The following TIAM2 variants were observed in gnomAD, a reference collection of about 807,000 sequenced individuals.
TIAM2 encodes TIAM Rac1 associated GEF 2, also known as rho guanine nucleotide exchange factor TIAM2.
In TIAM2, 80 loss-of-function variants were observed where a neutral mutation model predicts 152.9. That is an observed-to-expected ratio of 0.52 (90% CI 0.44 to 0.63). The LOEUF (loss-of-function observed/expected upper bound fraction) is 0.63. Among genes scored for constraint, TIAM2 ranks in the 30% least tolerant of loss-of-function variants. TIAM2 has a pLI of 0.00. For synonymous variants in TIAM2, 804 were observed against 838.0 expected, an observed-to-expected ratio of 0.96 and a Z score of 0.70; for missense variants, 1,965 against 2,120.1, an observed-to-expected ratio of 0.93 and a Z score of 1.44.
chr6:155,220,494 G>T (rs1299436329), intron 15 of TIAM2, among the ~76,000 whole-genome samples: 1 of 152,176 alleles, frequency 6.6e-6, no homozygotes, highest in East Asian at 1.9e-4. Flanking sequence ...TGTGTCTCCT[G>T]ATCCTGATCT....
At chr6:155,082,096 C>G (rs1778074853) in intron 1 of TIAM2, among the ~76,000 whole-genome samples, 1 of 152,104 alleles carries the variant, frequency 6.6e-6, no homozygotes, top group Non-Finnish European at 1.5e-5. Flanking sequence ...GTAATCCCAG[C>G]ACTTTGGGAG....
intron 14 of TIAM2, among the ~76,000 whole-genome samples, chr6:155,192,546 G>A (rs1781232272): frequency 6.6e-6 from 1 of 151,850 alleles, no homozygotes; most frequent in African/African-American, 2.4e-5. Context: ...TGTAAACTGA[G>A]CAATGTCCAA....
intron 7 of TIAM2, among the ~76,000 whole-genome samples, chr6:155,161,024 C>T (rs1051651696): frequency 2.0e-5 from 3 of 152,218 alleles, no homozygotes; most frequent in African/African-American, 7.2e-5. Flanking sequence ...TGTCCCAGCC[C>T]TGTTGACTTT....
chr6:155,043,939 A>G (rs918316761), intron 1 of TIAM2, among the ~76,000 whole-genome samples: 3 of 152,300 alleles, frequency 2.0e-5, no homozygotes, highest in African/African-American at 7.2e-5. Flanking sequence ...CCCATAGTGT[A>G]CACATGCCAC....
intron 1 of TIAM2, among the ~76,000 whole-genome samples, chr6:155,044,215 T>TCGTCCTGCCCAGTCACA (rs1777109681): frequency 6.6e-6 from 1 of 152,166 alleles, no homozygotes; most frequent in Non-Finnish European, 1.5e-5. Context: ...AAGAGGTCAC[T>TCGTCCTGCCCAGTCACA]CGTCCTGCCC....
chr6:155,048,642 A>G (rs1777256080), intron 1 of TIAM2, among the ~76,000 whole-genome samples: 1 of 152,086 alleles, frequency 6.6e-6, no homozygotes, highest in African/African-American at 2.4e-5. Context: ...AGGAAGGTGG[A>G]GTGAAGGAGA....
chr6:155,118,360 A>AAGC (rs970703293), intron 2 of TIAM2, among the ~76,000 whole-genome samples: 1 of 151,814 alleles, frequency 6.6e-6, no homozygotes, highest in Non-Finnish European at 1.5e-5. Context: ...GTCTTTGAAC[A>AAGC]AGCCATTTTC....
chr6:155,105,125 T>A (rs1778651910), intron 2 of TIAM2, among the ~76,000 whole-genome samples: 2 of 151,786 alleles, frequency 1.3e-5, no homozygotes, highest in Non-Finnish European at 1.5e-5. Context: ...CCTGGCTAAT[T>A]TTTTGTATTT....
At chr6:155,228,947 G>A (rs1004670839) in intron 15 of TIAM2, among the ~76,000 whole-genome samples, 27 of 152,160 alleles carry the variant, frequency 1.8e-4, no homozygotes, top group Non-Finnish European at 3.5e-4. Context: ...CTGCCTTCCT[G>A]GGCATGCCCC....
At chr6:155,026,004 A>G (rs764359019) in intron 1 of TIAM2, among the ~76,000 whole-genome samples, 13 of 152,126 alleles carry the variant, frequency 8.5e-5, no homozygotes, top group Non-Finnish European at 1.3e-4. Flanking sequence ...CACATCTCAC[A>G]AATAGAATGG....
At chr6:155,167,453 C>T (rs571794530) in intron 9 of TIAM2, among the ~76,000 whole-genome samples, 41 of 152,248 alleles carry the variant, frequency 2.7e-4, no homozygotes, top group African/African-American at 8.7e-4. Context: ...AACTTCTGGG[C>T]TCATGTGATC....
chr6:155,099,461 T>C (rs1778503944), intron 2 of TIAM2, among the ~76,000 whole-genome samples: 1 of 152,174 alleles, frequency 6.6e-6, no homozygotes, highest in Non-Finnish European at 1.5e-5. Flanking sequence ...CAGTTTGCTT[T>C]TAAAAATGTT....
chr6:155,252,567 C>T (rs547529087), intron 23 of TIAM2, among the ~76,000 whole-genome samples: 11 of 152,302 alleles, frequency 7.2e-5, no homozygotes, highest in Admixed American at 1.3e-4. Context: ...ATGTTTGTTC[C>T]ATAAACATAG....
At chr6:155,071,278 C>T (rs943318479) in intron 1 of TIAM2, among the ~76,000 whole-genome samples, 19 of 152,216 alleles carry the variant, frequency 1.2e-4, no homozygotes, top group African/African-American at 2.9e-4. Context: ...CACGTCTCCA[C>T]GGATCTTCAT....
intron 20 of TIAM2, 130 bp downstream of exon 20, chr6:155,248,309 C>A: frequency 1.9e-6 from 2 of 1,064,906 alleles, no homozygotes; most frequent in Non-Finnish European, 2.6e-6. Flanking sequence ...TTCAGTTCTG[C>A]GATGGTTAAT....
At chr6:155,207,400 G>C (rs1781621864) in intron 14 of TIAM2, among the ~76,000 whole-genome samples, 1 of 152,234 alleles carries the variant, frequency 6.6e-6, no homozygotes, top group South Asian at 2.1e-4. Flanking sequence ...GGATTCTCCT[G>C]TGCTCCGTCA....
At chr6:155,207,210 C>T (rs1036943285) in intron 14 of TIAM2, among the ~76,000 whole-genome samples, 6 of 152,254 alleles carry the variant, frequency 3.9e-5, no homozygotes, top group East Asian at 1.9e-4. Flanking sequence ...AATAAGCATT[C>T]GGATTTTACC....
chr6:155,177,569 G>C (rs1164064919), intron 10 of TIAM2, among the ~76,000 whole-genome samples: 3 of 152,182 alleles, frequency 2.0e-5, no homozygotes, highest in Admixed American at 6.5e-5. Context: ...TGGTGCAGTA[G>C]AGCTTAAATA....
chr6:155,234,026 T>C (rs1302237897), intron 15 of TIAM2, among the ~76,000 whole-genome samples: 1 of 151,774 alleles, frequency 6.6e-6, no homozygotes, highest in Non-Finnish European at 1.5e-5. Context: ...GGGTTCAATA[T>C]CATTGCTTTT....
Sources: allele counts gnomAD v4.1 joint callset (sites outside exome capture counted in the v4.1 genomes callset), GRCh38; gene constraint gnomAD v4.1.1; transcripts MANE v1.5; gene names NCBI Gene and HGNC (gene_info 2026-07-23, HGNC 2026-07-21).